STAB2: variants seen among roughly 807,000 people sequenced by gnomAD.
The protein encoded by STAB2 is stabilin-2.
A neutral mutation model predicts 338.1 loss-of-function variants in STAB2; 288 were observed. That is an observed-to-expected ratio of 0.85 (90% confidence interval 0.77 to 0.94). The LOEUF (loss-of-function observed/expected upper bound fraction) is 0.94. STAB2 is among the 40% of genes least tolerant of loss of function. The pLI, the probability that STAB2 is intolerant of heterozygous loss-of-function variation, is 0.00. For missense variants in STAB2, 3,141 were observed against 3,210.1 expected (o/e 0.98, Z 0.52); for synonymous variants, 1,202 against 1,193.3 (o/e 1.01, Z -0.15).
chr12:103,640,506 T>A (rs1872845614), intron 9 of STAB2, among the ~76,000 whole-genome samples: 1 of 152,194 alleles, frequency 6.6e-6, no homozygotes, highest in Non-Finnish European at 1.5e-5. Context: ...TAACTTGATA[T>A]GAAGTGGTCA....
chr12:103,650,841 C>T (rs563572016), intron 11 of STAB2, among the ~76,000 whole-genome samples: 2 of 152,176 alleles, frequency 1.3e-5, no homozygotes, highest in East Asian at 3.9e-4. Flanking sequence ...CCTAGAAGGC[C>T]CCCTGGTCCC....
At chr12:103,710,792 T>C (rs1593268194) in intron 39 of STAB2, among the ~76,000 whole-genome samples, 1 of 152,152 alleles carries the variant, frequency 6.6e-6, no homozygotes, top group Non-Finnish European at 1.5e-5. Flanking sequence ...TCAGCCAGGA[T>C]TGGTAAGATT....
intron 9 of STAB2, among the ~76,000 whole-genome samples, chr12:103,643,941 C>A (rs796960094): frequency 4.3e-5 from 1 of 23,462 alleles, no homozygotes; most frequent in Non-Finnish European, 9.6e-5. Flanking sequence ...CCAGCCGCCC[C>A]GTCCGGGAGG....
intron 5 of STAB2, among the ~76,000 whole-genome samples, chr12:103,630,159 G>C (rs1010037354): frequency 2.0e-5 from 3 of 152,178 alleles, no homozygotes; most frequent in South Asian, 2.1e-4. Context: ...CAAGAAACTG[G>C]AAATAGCAAG....
At chr12:103,697,652 A>C (rs1566024073) in intron 33 of STAB2, among the ~76,000 whole-genome samples, 2 of 152,232 alleles carry the variant, frequency 1.3e-5, no homozygotes, top group African/African-American at 4.8e-5. Context: ...CGGTCCTTGA[A>C]TCAAGGTCCA....
In STAB2 at chr12:103,637,995, AT is replaced by A; in HGVS notation, c.710-17del. ...CATCCCCGTTAACTAACTGCCTCTC[AT>A]TTTGCTGTTGCCTCTCAAGCCATCA... On this transcript the variant is annotated intron_variant, in intron 7 of 68. Coordinates refer to ENST00000388887, the MANE Select transcript of STAB2 (RefSeq NM_017564.10). 1 of 1,599,432 alleles carries A rather than the reference AT, an allele frequency of 6.3e-7. No individual in the cohort carries two copies. The highest frequency in any genetic ancestry group is 2.2e-5 in the East Asian group (1 of 44,464).
chr12:103,714,795 C>A (rs1319372365), intron 42 of STAB2, among the ~76,000 whole-genome samples: 1 of 152,024 alleles, frequency 6.6e-6, no homozygotes, highest in Non-Finnish European at 1.5e-5. Flanking sequence ...CCCTTTGTTC[C>A]TAAATACTTG....
intron 6 of STAB2, among the ~76,000 whole-genome samples, chr12:103,635,416 G>A (rs142180679): frequency 4.0e-4 from 61 of 152,280 alleles, no homozygotes; most frequent in African/African-American, 1.2e-3. Flanking sequence ...CCAGGCTCCC[G>A]AAAAACAGCT....
At chr12:103,632,841 CG>C (rs965152659) in intron 6 of STAB2, among the ~76,000 whole-genome samples, 3 of 152,250 alleles carry the variant, frequency 2.0e-5, no homozygotes, top group Non-Finnish European at 2.9e-5. Flanking sequence ...ATGGCAGAGC[CG>C]GGGAGCTGAG....
intron 3 of STAB2, among the ~76,000 whole-genome samples, chr12:103,608,394 C>T (rs758493625): frequency 3.9e-5 from 6 of 152,020 alleles, no homozygotes; most frequent in Admixed American, 1.3e-4. Context: ...CGCCCGCCTC[C>T]GCCTCCCAAA....
At chr12:103,588,446 C>T (rs1039302033) in intron 1 of STAB2, among the ~76,000 whole-genome samples, 1 of 151,332 alleles carries the variant, frequency 6.6e-6, no homozygotes, top group African/African-American at 2.4e-5. Flanking sequence ...GCTTCAGTCT[C>T]GCCCCTGACA....
At position 103,689,885 on chromosome 12, in the gene STAB2, C is replaced by T; in HGVS notation, c.3085C>T (p.Leu1029Phe). The T allele has an allele frequency of 6.2e-7, 1 of 1,614,094 alleles. No homozygotes were observed. Among genetic ancestry groups the T allele is most frequent in the South Asian group, 1.1e-5 (1 of 91,060 alleles). The change falls in exon 29 of 69, where the codon CTC becomes TTC. Residue 1029 changes from leucine (L) to phenylalanine (F), a missense_variant. Physicochemically the swap from Leu to Phe is conservative, Grantham distance 22. Transcript: ENST00000388887. ...LQPTLSATSN[L>F]TVLVPSQQAT... The stretch of plus-strand genomic sequence containing the variant: ...ACCCACACTGTCAGCCACCTCAAAC[C>T]TCACTGTCCTCGTGCCTTCCCAACA...
At chr12:103,653,383 C>G (rs957507479) in intron 12 of STAB2, among the ~76,000 whole-genome samples, 3 of 152,114 alleles carry the variant, frequency 2.0e-5, no homozygotes. Context: ...CACAATAACC[C>G]TGTAAAGGAG....
At position 103,673,912 on chromosome 12, in the gene STAB2, C is replaced by T. The variant is rs137878719; in HGVS notation, c.2377C>T (p.Leu793=). The T allele has an allele frequency of 3.1e-6, 5 of 1,611,146 alleles. No individual in the cohort carries two copies. The African/African-American group carries it at 4.0e-5, about 13-fold the overall frequency. Residue 793 remains leucine (L), a synonymous_variant, in exon 23 of 69, where the codon CTG becomes TTG. Coordinates refer to ENST00000388887, the MANE Select transcript of STAB2 (RefSeq NM_017564.10). ...KYGPRCNKKC[L]CVHGTCNNRI... is the part of the protein sequence containing the mutation. Reference sequence around the variant, plus strand: ...CCCTCCTCCTCCTCTTTCAGAATGCCTGTGCGTTCACGGAACATGCAATAA... The same window carrying T: ...CCCTCCTCCTCCTCTTTCAGAATGCTTGTGCGTTCACGGAACATGCAATAA...
intron 52 of STAB2, among the ~76,000 whole-genome samples, chr12:103,736,446 T>C (rs933670619): frequency 7.2e-5 from 11 of 152,226 alleles, no homozygotes; most frequent in African/African-American, 2.7e-4. Flanking sequence ...GCATTGAATT[T>C]ATAACTGACT....
In STAB2 at chr12:103,655,510, AT is replaced by A. The variant is rs1281814013; in HGVS notation, c.1668del (p.Phe556LeufsTer8). 17 of 1,613,956 alleles carry A rather than the reference AT, an allele frequency of 1.1e-5. No individual in the cohort carries two copies. In the South Asian group the frequency reaches 1.8e-4, roughly 17 times the overall value. On this transcript the variant is annotated frameshift_variant, in exon 15 of 69. Transcript: ENST00000388887. LOFTEE classifies it high-confidence loss of function. ...GGATGGAGTTGGTGGACCATACACC[AT>A]TTTTGTTCCAAATAATGAAGCATTG... Reference protein sequence around the residue: ...DEDGVGGPYTIFVPNNEALNN... With the variant: ...DEDGVGGPYTXFVPNNEALNN...
intron 56 of STAB2, 21 bp downstream of exon 56, chr12:103,742,575 G>A (rs376938124): frequency 5.5e-5 from 88 of 1,613,702 alleles, no homozygotes; most frequent in South Asian, 2.9e-4. Context: ...CCGCTTCTCC[G>A]TGCTAGAGCT....
intron 34 of STAB2, 122 bp downstream of exon 34, chr12:103,699,349 C>T (rs752811400): frequency 1.3e-5 from 16 of 1,271,340 alleles, no homozygotes; most frequent in Non-Finnish European, 1.6e-5. Flanking sequence ...AGTTTTCACA[C>T]TGCTGATAAA....
rs77388637 is a variant in STAB2 at position 103,590,420 on chromosome 12, C to T, written c.82-477C>T. ...TCTGAAATAGTAACTGTATCCTCCA[C>T]GGCACTGGCACAGTGCTGGCTCCAG... On this transcript the variant is annotated intron_variant, in intron 1 of 68. Transcript: ENST00000388887. 1.5e-3 allele frequency among the ~76,000 whole-genome samples: 234 copies of T among 152,314 alleles called. 1 individual carries two copies. Among genetic ancestry groups the T allele is most frequent in the African/African-American group, 4.9e-3 (205 of 41,572 alleles).
Sources: allele counts gnomAD v4.1 joint callset (sites outside exome capture counted in the v4.1 genomes callset), GRCh38; gene constraint gnomAD v4.1.1; transcripts MANE v1.5; gene names NCBI Gene and HGNC (gene_info 2026-07-23, HGNC 2026-07-21).